The following TJP2 variants were observed in gnomAD, a reference collection of about 807,000 sequenced individuals.
TJP2 encodes tight junction protein 2, also known as Friedreich ataxia region gene X104 (tight junction protein ZO-2).
In TJP2, 91 loss-of-function variants were observed where a neutral mutation model predicts 133.1. The ratio of observed to expected loss-of-function variants is 0.68; its 90% CI spans 0.58 to 0.81. The LOEUF (loss-of-function observed/expected upper bound fraction) is 0.81. Ranked by LOEUF, TJP2 falls within the 40% of genes least tolerant of loss-of-function variation. The pLI is 0.00. For missense variants in TJP2, 1,541 were observed against 1,565.6 expected (o/e 0.98, Z 0.26); for synonymous variants, 592 against 583.4 (o/e 1.01, Z -0.21).
In TJP2 at chr9:69,248,130, G is replaced by T; in HGVS notation, c.2786G>T (p.Gly929Val). The T allele has an allele frequency of 6.2e-7, 1 of 1,614,194 alleles. No individual in the cohort carries two copies. The highest frequency in any genetic ancestry group is 8.5e-7 in the Non-Finnish European group (1 of 1,180,032). The change falls in exon 19 of 23, where the codon GGA becomes GTA. Residue 929 changes from glycine to valine, a missense_variant. Transcript: ENST00000377245. ...GACTTTGAAGACACGGACGGTGAAG[G>T]AGGCGCCTACACTGACAATGAGCTG... ...ISDFEDTDGE[G>V]GAYTDNELDE...
At chr9:69,238,924 A>G in intron 16 of TJP2, 135 bp downstream of exon 16, 1 of 780,688 alleles carries the variant, frequency 1.3e-6, no homozygotes, top group Non-Finnish European at 2.2e-6. Context: ...ACAGTGGCTT[A>G]CACCTGTAAT....
intron 1 of TJP2, among the ~76,000 whole-genome samples, chr9:69,179,532 G>A (rs1249581937): frequency 3.5e-5 from 5 of 141,566 alleles, no homozygotes; most frequent in Admixed American, 1.4e-4. Flanking sequence ...TTTTTGAGAC[G>A]GAGTCTCCCT....
intron 1 of TJP2, among the ~76,000 whole-genome samples, chr9:69,137,154 G>T (rs1051381584): frequency 6.6e-6 from 1 of 152,056 alleles, no homozygotes; most frequent in Non-Finnish European, 1.5e-5. Context: ...GCAGCCTCTC[G>T]TCATGAGCTG....
rs1459251470 is a variant in TJP2, at chr9:69,218,360, G to GT, written c.342+2dup. On this transcript the variant is annotated splice_donor_variant, in intron 4 of 22. Coordinates refer to ENST00000377245, the MANE Select transcript of TJP2 (RefSeq NM_004817.4). LOFTEE classifies it high-confidence loss of function. ...AAAAAGTGGGAAGGTCGCTGCTATT[G>GT]TAAGTACTGGGTTTGCTTTCAGCTT... is the stretch of plus-strand genomic sequence containing the variant. 1.2e-6 allele frequency: 2 copies of GT among 1,613,474 alleles called. No individual in the cohort carries two copies. The highest frequency in any genetic ancestry group is 2.2e-5 in the East Asian group (1 of 44,888).
intron 1 of TJP2, among the ~76,000 whole-genome samples, chr9:69,190,028 T>C (rs538450597): frequency 2.0e-5 from 1 of 49,700 alleles, no homozygotes; most frequent in Admixed American, 1.4e-4. Flanking sequence ...GAGAATGGCA[T>C]GAACCTGGGA....
chr9:69,193,746 G>A (rs1008848720), intron 1 of TJP2, among the ~76,000 whole-genome samples: 2 of 151,084 alleles, frequency 1.3e-5, no homozygotes, highest in East Asian at 3.9e-4. Flanking sequence ...GAATTAGGAA[G>A]GCTTGTTGAT....
At chr9:69,168,795 TG>T (rs767177337) in intron 2 of TJP2, among the ~76,000 whole-genome samples, 9 of 77,304 alleles carry the variant, frequency 1.2e-4, no homozygotes, top group Non-Finnish European at 2.0e-4. Context: ...AGCGCGAAAC[TG>T]TCTCAAAAAA....
intron 1 of TJP2, chr9:69,205,432 A>T (rs1827324391): frequency 6.0e-6 from 7 of 1,170,586 alleles, no homozygotes; most frequent in Non-Finnish European, 8.2e-6. Context: ...ATTTTAGCAG[A>T]TCTATGTGAA....
At chr9:69,235,802 T>G (rs1326774291) in intron 12 of TJP2, among the ~76,000 whole-genome samples, 1 of 152,192 alleles carries the variant, frequency 6.6e-6, no homozygotes, top group African/African-American at 2.4e-5. Context: ...ACCAAATACC[T>G]GGTTATTTCA....
At chr9:69,156,770 C>T (rs979599745) in intron 2 of TJP2, among the ~76,000 whole-genome samples, 1 of 151,938 alleles carries the variant, frequency 6.6e-6, no homozygotes, top group Non-Finnish European at 1.5e-5. Flanking sequence ...CCGCCCGCCT[C>T]GGCCTCCCAA....
intron 17 of TJP2, among the ~76,000 whole-genome samples, chr9:69,244,017 C>T (rs1183028072): frequency 6.6e-6 from 1 of 151,718 alleles, no homozygotes; most frequent in African/African-American, 2.4e-5. Context: ...AACCCTGTCT[C>T]TATTAAAAAT....
chr9:69,227,645 T>C (rs920248361), intron 7 of TJP2, 120 bp from the exon 8 acceptor site: 1 of 715,600 alleles, frequency 1.4e-6, no homozygotes, highest in East Asian at 2.7e-5. Flanking sequence ...TAATAGCACA[T>C]TTCCTGCCTA....
At chr9:69,205,932 A>G (rs2133159235) in intron 1 of TJP2, among the ~76,000 whole-genome samples, 1 of 152,348 alleles carries the variant, frequency 6.6e-6, no homozygotes, top group East Asian at 1.9e-4. Context: ...TAAAATATAT[A>G]GGATTTTTAC....
intron 1 of TJP2, among the ~76,000 whole-genome samples, chr9:69,209,806 T>G (rs1364779807): frequency 6.6e-6 from 1 of 152,098 alleles, no homozygotes; most frequent in East Asian, 1.9e-4. Context: ...CATTAAAATA[T>G]TGGAAAATTT....
chr9:69,138,596 G>A (rs1215285447), intron 1 of TJP2, among the ~76,000 whole-genome samples: 1 of 151,858 alleles, frequency 6.6e-6, no homozygotes, highest in Non-Finnish European at 1.5e-5. Flanking sequence ...GCAAAATCCT[G>A]TCTCTACTAA....
chr9:69,203,154 G>T (rs1827122364), intron 1 of TJP2, among the ~76,000 whole-genome samples: 1 of 151,774 alleles, frequency 6.6e-6, no homozygotes, highest in Non-Finnish European at 1.5e-5. Flanking sequence ...AGTTGCCTGG[G>T]TTCTCAGGCT....
At chr9:69,174,201 G>A, upstream of TJP2, 3 of 1,294,942 alleles carry the variant, frequency 2.3e-6, no homozygotes, top group Non-Finnish European at 3.0e-6. Flanking sequence ...GCGGGCTGAC[G>A]CCGCCGCCGC....
At chr9:69,179,648 C>T (rs903024433) in intron 1 of TJP2, among the ~76,000 whole-genome samples, 5 of 151,842 alleles carry the variant, frequency 3.3e-5, no homozygotes, top group East Asian at 1.9e-4. Context: ...TACAGGCGCC[C>T]GCCACCACGC....
In TJP2 at chr9:69,237,989, T is replaced by G. The variant is rs73450890; in HGVS notation, c.2275+16T>G. ...CAAACTGCTAGTAAGTCTGTCAGTG[T>G]TTTTTTTTCCCCCAAATTTTTATTT... On this transcript the variant is annotated intron_variant, in intron 15 of 22. Transcript: ENST00000377245. 13,306 of 1,566,400 alleles carry G rather than the reference T, an allele frequency of 8.5e-3. 645 individuals are homozygous for G. The African/African-American group carries it at 0.13, about 15-fold the overall frequency.
Sources: allele counts gnomAD v4.1 joint callset (sites outside exome capture counted in the v4.1 genomes callset), GRCh38; gene constraint gnomAD v4.1.1; transcripts MANE v1.5; gene names NCBI Gene and HGNC (gene_info 2026-07-23, HGNC 2026-07-21).